Variants in TAFA1 observed in about 807,000 individuals in gnomAD.
TAFA1 encodes chemokine-like protein TAFA-1.
TAFA1 carries 4 observed loss-of-function variants against 18.5 expected under a neutral mutation model. The ratio of observed to expected loss-of-function variants is 0.22; its 90% CI spans 0.11 to 0.49. The LOEUF (loss-of-function observed/expected upper bound fraction) is 0.49. Ranked by LOEUF, TAFA1 falls within the 20% of genes least tolerant of loss-of-function variation. TAFA1 has a pLI of 0.98. For synonymous variants in TAFA1, 56 were observed against 55.2 expected, an observed-to-expected ratio of 1.01 and a Z score of -0.06; for missense variants, 147 against 169.0, an observed-to-expected ratio of 0.87 and a Z score of 0.72.
intron 2 of TAFA1, among the ~76,000 whole-genome samples, chr3:68,101,819 T>C (rs761353214): frequency 6.6e-6 from 1 of 152,092 alleles, no homozygotes; most frequent in Non-Finnish European, 1.5e-5. Context: ...TCCTCCTATA[T>C]CCAAGCAGAA....
chr3:68,528,276 A>G (rs2073135981), intron 3 of TAFA1, among the ~76,000 whole-genome samples: 9 of 152,214 alleles, frequency 5.9e-5, no homozygotes, highest in Admixed American at 5.9e-4. Flanking sequence ...TTCATCTACA[A>G]CTGAGAAAAC....
intron 4 of TAFA1, among the ~76,000 whole-genome samples, chr3:68,543,703 G>T (rs1306519576): frequency 6.6e-6 from 1 of 152,102 alleles, no homozygotes; most frequent in African/African-American, 2.4e-5. Flanking sequence ...GAACTCTAGA[G>T]TAGAGTCTTC....
chr3:68,447,841 T>A (rs904579651), intron 3 of TAFA1, among the ~76,000 whole-genome samples: 1 of 152,230 alleles, frequency 6.6e-6, no homozygotes, highest in African/African-American at 2.4e-5. Flanking sequence ...TAGGAAAGAA[T>A]GCTGTAAGCA....
At chr3:67,992,016 A>C in the TAFA1 span, among the ~76,000 whole-genome samples, 1 of 152,192 alleles carries the variant, frequency 6.6e-6, no homozygotes, top group Non-Finnish European at 1.5e-5. Flanking sequence ...ACTTTCCACC[A>C]GTACTTTTCA....
At chr3:68,001,867 G>A (rs1200622269), upstream of TAFA1, among the ~76,000 whole-genome samples, 1 of 152,182 alleles carries the variant, frequency 6.6e-6, no homozygotes, top group Non-Finnish European at 1.5e-5. Context: ...GGTAGGGGAA[G>A]AGGAGGCCTC....
rs1457248025 is a variant in TAFA1, at chr3:68,004,593, G to C, written c.-113G>C. 1.3e-5 allele frequency: 2 copies of C among 151,702 alleles called. No homozygotes were observed. The highest frequency in any genetic ancestry group is 2.4e-5 in the African/African-American group (1 of 41,254). The allele number at this position is 151,702 out of a possible 1,614,324, so 9.4% of individuals were successfully genotyped here. On this transcript the variant is annotated 5_prime_UTR_variant, in exon 1 of 5. Coordinates refer to ENST00000478136, the MANE Select transcript of TAFA1 (RefSeq NM_213609.4). Reference sequence around the variant, plus strand: ...TAATCCTGATAAAGAAGATTGTTGGGAAGCTCTTTGAAAAAAAATTTTAAA... The same window carrying C: ...TAATCCTGATAAAGAAGATTGTTGGCAAGCTCTTTGAAAAAAAATTTTAAA...
chr3:68,242,608 T>C (rs1316116855), intron 2 of TAFA1, among the ~76,000 whole-genome samples: 1 of 152,176 alleles, frequency 6.6e-6, no homozygotes, highest in Non-Finnish European at 1.5e-5. Flanking sequence ...TTAAAAACTA[T>C]TTTGAGAGTT....
At chr3:67,997,398 G>A in the TAFA1 span, among the ~76,000 whole-genome samples, 1 of 152,128 alleles carries the variant, frequency 6.6e-6, no homozygotes, top group Non-Finnish European at 1.5e-5. Context: ...ATAGACTCAA[G>A]CAGTTTGACT....
At chr3:68,535,799 C>A (rs576094751) in intron 3 of TAFA1, among the ~76,000 whole-genome samples, 37 of 150,350 alleles carry the variant, frequency 2.5e-4, no homozygotes, top group African/African-American at 8.1e-4. Context: ...GCTCTACTGG[C>A]CATAGTTAAA....
At chr3:68,148,641 G>A (rs540362795) in intron 2 of TAFA1, among the ~76,000 whole-genome samples, 22 of 152,230 alleles carry the variant, frequency 1.4e-4, no homozygotes, top group Middle Eastern at 3.4e-3. Context: ...TCCGTGCTGT[G>A]TTCAGCCTTC....
At chr3:68,154,783 C>T (rs954098256) in intron 2 of TAFA1, among the ~76,000 whole-genome samples, 4 of 152,126 alleles carry the variant, frequency 2.6e-5, no homozygotes, top group African/African-American at 9.7e-5. Context: ...ACACGCACCC[C>T]ACACACTTCT....
intron 2 of TAFA1, among the ~76,000 whole-genome samples, chr3:68,373,650 G>A (rs747314528): frequency 1.4e-4 from 21 of 152,146 alleles, no homozygotes; most frequent in Non-Finnish European, 2.1e-4. Flanking sequence ...ACACCAGCAC[G>A]CTCTACAAGT....
intron 2 of TAFA1, among the ~76,000 whole-genome samples, chr3:68,377,906 C>T (rs1559641184): frequency 6.6e-6 from 1 of 152,212 alleles, no homozygotes; most frequent in East Asian, 1.9e-4. Context: ...CAAGCCCCAA[C>T]TTTTGGCAGC....
chr3:68,100,815 A>T (rs1559520357), intron 2 of TAFA1, among the ~76,000 whole-genome samples: 1 of 152,174 alleles, frequency 6.6e-6, no homozygotes. Flanking sequence ...CAGCCTAGGA[A>T]ATGATGTAGG....
At chr3:68,233,336 A>G (rs2066893372) in intron 2 of TAFA1, among the ~76,000 whole-genome samples, 1 of 152,094 alleles carries the variant, frequency 6.6e-6, no homozygotes, top group Non-Finnish European at 1.5e-5. Context: ...TCTTTATTGT[A>G]CAAAAGCTTT....
At chr3:68,434,600 T>C (rs907470479) in intron 3 of TAFA1, among the ~76,000 whole-genome samples, 1 of 152,122 alleles carries the variant, frequency 6.6e-6, no homozygotes, top group Non-Finnish European at 1.5e-5. Context: ...CTTTTTCTAA[T>C]ATTCCTGGAA....
the TAFA1 span, among the ~76,000 whole-genome samples, chr3:67,993,673 G>C: frequency 1.3e-5 from 2 of 152,190 alleles, no homozygotes; most frequent in African/African-American, 4.8e-5. Flanking sequence ...ATAGATATGT[G>C]TTGGGCACTC....
At chr3:68,146,873 A>G (rs1225303350) in intron 2 of TAFA1, among the ~76,000 whole-genome samples, 2 of 152,166 alleles carry the variant, frequency 1.3e-5, no homozygotes, top group African/African-American at 4.8e-5. Context: ...CTGAAGTGGT[A>G]AGCCTACCTT....
intron 2 of TAFA1, among the ~76,000 whole-genome samples, chr3:68,025,164 C>T (rs1318209566): frequency 6.6e-6 from 1 of 152,164 alleles, no homozygotes; most frequent in Non-Finnish European, 1.5e-5. Flanking sequence ...CATCGAAAAC[C>T]TAGAAATTGC....
Sources: gnomAD v4.1 joint callset for allele counts (sites outside exome capture counted in the v4.1 genomes callset) on GRCh38, gnomAD v4.1.1 for gene constraint, MANE v1.5 for transcripts, NCBI Gene and HGNC (gene_info 2026-07-23, HGNC 2026-07-21) for gene names.